GRIA4: variants seen among roughly 807,000 people sequenced by gnomAD.
GRIA4 encodes the protein glutamate ionotropic receptor AMPA type subunit 4.
A neutral mutation model predicts 104.0 loss-of-function variants in GRIA4; 34 were observed. The observed-to-expected ratio is 0.33, with a 90% CI of 0.25 to 0.44. The LOEUF (loss-of-function observed/expected upper bound fraction) is 0.44, where lower values mean the gene tolerates loss of function less well. GRIA4 is among the 20% of genes least tolerant of loss of function. GRIA4 has a pLI of 1.00. For synonymous variants in GRIA4, 386 were observed against 381.9 expected, an observed-to-expected ratio of 1.01 and a Z score of -0.13; for missense variants, 750 against 1,096.5, an observed-to-expected ratio of 0.68 and a Z score of 4.46.
At chr11:105,731,576 C>T (rs952780840) in intron 3 of GRIA4, among the ~76,000 whole-genome samples, 2 of 152,036 alleles carry the variant, frequency 1.3e-5, no homozygotes, top group Non-Finnish European at 1.5e-5. Flanking sequence ...CACTTGCACA[C>T]GTATGTTTAT....
intron 4 of GRIA4, among the ~76,000 whole-genome samples, chr11:105,842,082 G>A (rs1006523052): frequency 3.3e-5 from 5 of 152,124 alleles, no homozygotes; most frequent in Admixed American, 6.5e-5. Flanking sequence ...GGGGTGAGGG[G>A]AACACCTGGT....
intron 5 of GRIA4, among the ~76,000 whole-genome samples, chr11:105,878,790 C>T (rs1384872095): frequency 2.6e-5 from 4 of 152,178 alleles, no homozygotes; most frequent in African/African-American, 4.8e-5. Flanking sequence ...GTGCTGGCAG[C>T]GAGAATTTCA....
chr11:105,854,251 A>G (rs1206583188), intron 4 of GRIA4, among the ~76,000 whole-genome samples: 3 of 152,132 alleles, frequency 2.0e-5, no homozygotes, highest in Non-Finnish European at 4.4e-5. Context: ...AAAGCACAGG[A>G]TGAAGGAGCT....
intron 4 of GRIA4, among the ~76,000 whole-genome samples, chr11:105,846,607 G>C (rs1356670979): frequency 6.6e-6 from 1 of 152,114 alleles, no homozygotes; most frequent in African/African-American, 2.4e-5. Context: ...AACAAGGGCT[G>C]ATACAACAAT....
chr11:105,636,583 T>C (rs1475232420), intron 3 of GRIA4, among the ~76,000 whole-genome samples: 2 of 152,180 alleles, frequency 1.3e-5, no homozygotes, highest in African/African-American at 2.4e-5. Context: ...ACCTCTCCCC[T>C]TTTTCCCTTG....
At chr11:105,810,357 A>G (rs1591291609) in intron 4 of GRIA4, among the ~76,000 whole-genome samples, 1 of 152,310 alleles carries the variant, frequency 6.6e-6, no homozygotes, top group Middle Eastern at 3.4e-3. Context: ...GAGGTGAAAG[A>G]GAGGGAGAAG....
chr11:105,926,172 T>C (rs1178839064), intron 12 of GRIA4, among the ~76,000 whole-genome samples: 1 of 152,038 alleles, frequency 6.6e-6, no homozygotes, highest in Non-Finnish European at 1.5e-5. Flanking sequence ...GGGTCCAATC[T>C]CACCTTGGCC....
chr11:105,875,651 T>C (rs563072560), intron 5 of GRIA4, among the ~76,000 whole-genome samples: 3 of 152,322 alleles, frequency 2.0e-5, no homozygotes, highest in Admixed American at 6.5e-5. Flanking sequence ...GGAGGGTGTA[T>C]GTGTCCAGGA....
chr11:105,829,940 A>C (rs966346000), intron 4 of GRIA4, among the ~76,000 whole-genome samples: 2 of 152,004 alleles, frequency 1.3e-5, no homozygotes, highest in African/African-American at 4.8e-5. Flanking sequence ...AAGCCTGCAG[A>C]AAATTATTTT....
chr11:105,692,506 G>T (rs1238280251), intron 3 of GRIA4, among the ~76,000 whole-genome samples: 1 of 152,148 alleles, frequency 6.6e-6, no homozygotes, highest in Non-Finnish European at 1.5e-5. Flanking sequence ...TAAGTCATAA[G>T]ATCAACCTGG....
At chr11:105,812,484 G>T (rs1943215661) in intron 4 of GRIA4, among the ~76,000 whole-genome samples, 1 of 152,050 alleles carries the variant, frequency 6.6e-6, no homozygotes, top group Admixed American at 6.6e-5. Flanking sequence ...TACCATCTTT[G>T]TCTTTTTAGG....
rs1360834174 is a variant in GRIA4, at chr11:105,669,372, A to G, written c.247+56938A>G. Among the ~76,000 whole-genome samples, 6 of 144,666 alleles carry G rather than the reference A, an allele frequency of 4.1e-5. No individual in the cohort carries two copies. In the East Asian group the frequency reaches 1.0e-3, roughly 25 times the overall value. 94.9% of individuals were successfully genotyped at this position (144,666 alleles called of 152,430 possible). A position where few individuals can be genotyped will look rare whatever the true frequency, so the allele number is the denominator to read the frequency against. On this transcript the variant is annotated intron_variant, in intron 3 of 16. Transcript: ENST00000282499. ...TACTATGTCATATACACACAATGTTATATTCATATATCATGTCATATATAT... is the reference window on the plus strand; with the variant it reads ...TACTATGTCATATACACACAATGTTGTATTCATATATCATGTCATATATAT...
At chr11:105,842,688 T>C (rs1336908500) in intron 4 of GRIA4, 4 of 152,302 alleles carry the variant, frequency 2.6e-5, no homozygotes, top group Non-Finnish European at 5.9e-5. Flanking sequence ...TCTTAATCTT[T>C]TTAAAAGGTG....
intron 4 of GRIA4, among the ~76,000 whole-genome samples, chr11:105,800,246 G>C (rs1004973738): frequency 6.6e-6 from 1 of 152,036 alleles, no homozygotes; most frequent in Non-Finnish European, 1.5e-5. Flanking sequence ...AAACATGAGA[G>C]TGAGTGACTA....
chr11:105,777,245 A>G (rs1309499275), intron 4 of GRIA4, among the ~76,000 whole-genome samples: 2 of 152,216 alleles, frequency 1.3e-5, no homozygotes, highest in East Asian at 1.9e-4. Context: ...GGGGAAAAAC[A>G]TGTTTTAAGA....
At chr11:105,967,397 T>C (rs1015872664) in intron 14 of GRIA4, among the ~76,000 whole-genome samples, 1 of 152,162 alleles carries the variant, frequency 6.6e-6, no homozygotes, top group Non-Finnish European at 1.5e-5. Context: ...CAGATTTAAT[T>C]AGCTTGTATC....
intron 10 of GRIA4, among the ~76,000 whole-genome samples, chr11:105,917,976 C>G (rs1402227488): frequency 6.6e-6 from 1 of 151,966 alleles, no homozygotes; most frequent in Non-Finnish European, 1.5e-5. Context: ...ATGGGAGTAT[C>G]ACCTCAAGTG....
rs538097412 is a variant in GRIA4 at position 105,838,673 on chromosome 11, G to A, written c.488-23351G>A. ...TGGACACAAGCTTTTTCTCATAGAC[G>A]CTATTAAAATCTTCAATAACCAATT... is the stretch of plus-strand genomic sequence containing the variant. On this transcript the variant is annotated intron_variant, in intron 4 of 16. Transcript: ENST00000282499. 1.8e-4 allele frequency among the ~76,000 whole-genome samples: 27 copies of A among 152,114 alleles called. 1 individual carries two copies. The South Asian group carries it at 5.0e-3, about 28-fold the overall frequency.
intron 3 of GRIA4, among the ~76,000 whole-genome samples, chr11:105,744,924 C>A (rs564421271): frequency 6.6e-6 from 1 of 152,252 alleles, no homozygotes; most frequent in South Asian, 2.1e-4. Context: ...TTCATAATAA[C>A]ATTTTCCAGC....
Sources: gnomAD v4.1 joint callset for allele counts (sites outside exome capture counted in the v4.1 genomes callset) on GRCh38, gnomAD v4.1.1 for gene constraint, MANE v1.5 for transcripts, NCBI Gene and HGNC (gene_info 2026-07-23, HGNC 2026-07-21) for gene names.